The following TTC12 variants were observed in gnomAD, a reference collection of about 807,000 sequenced individuals.
TTC12 encodes tetratricopeptide repeat protein 12.
In TTC12, 70 loss-of-function variants were observed where a neutral mutation model predicts 90.1. That is an observed-to-expected ratio of 0.78 (90% CI 0.64 to 0.95). TTC12 has a LOEUF of 0.95. TTC12 is among the 40% of genes least tolerant of loss of function. TTC12 has a pLI of 0.00. For synonymous variants in TTC12, 296 were observed against 311.5 expected, an observed-to-expected ratio of 0.95 and a Z score of 0.53; for missense variants, 819 against 846.1, an observed-to-expected ratio of 0.97 and a Z score of 0.40.
At chr11:113,359,540 C>A in intron 17 of TTC12, 79 bp downstream of exon 17, 3 of 954,246 alleles carry the variant, frequency 3.1e-6, no homozygotes, top group East Asian at 2.4e-5. Flanking sequence ...TTCTCATGTT[C>A]ACGAAGAGAC....
intron 8 of TTC12, 82 bp downstream of exon 8, chr11:113,335,119 C>G (rs111319463): frequency 2.0e-6 from 2 of 1,011,256 alleles, no homozygotes; most frequent in Non-Finnish European, 3.1e-6. Context: ...CCATGATTCT[C>G]CAAGCTGATT....
At chr11:113,341,161 C>T (rs782136824) in intron 11 of TTC12, among the ~76,000 whole-genome samples, 1 of 152,012 alleles carries the variant, frequency 6.6e-6, no homozygotes, top group Admixed American at 6.5e-5. Context: ...ATCTGAGAGG[C>T]GGAGGTTGCA....
chr11:113,332,267 G>A (rs181353913), intron 7 of TTC12, among the ~76,000 whole-genome samples: 1 of 152,284 alleles, frequency 6.6e-6, no homozygotes, highest in East Asian at 1.9e-4. Flanking sequence ...TTCTCGTGAG[G>A]GTCGACACAT....
At chr11:113,314,652 G>C (rs1946803471) in intron 1 of TTC12, 34 bp downstream of exon 1, 1 of 152,974 alleles carries the variant, frequency 6.5e-6, no homozygotes, top group African/African-American at 2.4e-5. Context: ...AATCCCCCCT[G>C]GGAGCTGGTC....
intron 21 of TTC12, chr11:113,365,581 C>T (rs547040647): frequency 3.6e-4 from 66 of 183,884 alleles, no homozygotes; most frequent in African/African-American, 9.9e-4. Context: ...CCCCAGTGAG[C>T]GAGGGCAAGA....
chr11:113,327,144 T>C (rs1947743920), intron 6 of TTC12, among the ~76,000 whole-genome samples: 1 of 152,228 alleles, frequency 6.6e-6, no homozygotes. Context: ...CTGTCTATAC[T>C]CTGATTCATC....
At chr11:113,325,059 G>A (rs1318894342) in intron 5 of TTC12, among the ~76,000 whole-genome samples, 1 of 152,144 alleles carries the variant, frequency 6.6e-6, no homozygotes, top group African/African-American at 2.4e-5. Context: ...TGAGATAGGA[G>A]AGGAGACATC....
At chr11:113,341,555 T>C in intron 11 of TTC12, 2 of 456,148 alleles carry the variant, frequency 4.4e-6, no homozygotes, top group South Asian at 4.3e-5. Context: ...CACCAGTACA[T>C]GTCTGTGTGC....
At chr11:113,320,863 G>T (rs1565568975) in intron 2 of TTC12, among the ~76,000 whole-genome samples, 1 of 152,166 alleles carries the variant, frequency 6.6e-6, no homozygotes, top group Admixed American at 6.5e-5. Flanking sequence ...CTGCGAGGGG[G>T]ATCAGAGAAC....
chr11:113,336,939 G>T (rs1555144252), intron 8 of TTC12, among the ~76,000 whole-genome samples: 1 of 152,210 alleles, frequency 6.6e-6, no homozygotes, highest in Non-Finnish European at 1.5e-5. Context: ...AATTTGGCAA[G>T]TACTGCTATC....
intron 7 of TTC12, among the ~76,000 whole-genome samples, chr11:113,331,742 A>G (rs1374637653): frequency 6.6e-6 from 1 of 152,252 alleles, no homozygotes; most frequent in Non-Finnish European, 1.5e-5. Flanking sequence ...TTGAAGTACA[A>G]TGTAATTAAC....
Position 113,344,716 on chromosome 11 carries a change from A to G in TTC12, c.1154+276A>G, listed in dbSNP as rs1948855739. Among the ~76,000 whole-genome samples, 3 of 152,148 alleles carry G rather than the reference A, an allele frequency of 2.0e-5. No homozygotes were observed. The South Asian group carries it at 6.2e-4, about 32-fold the overall frequency. On this transcript the variant is annotated intron_variant, in intron 13 of 21. Coordinates refer to ENST00000529221, the MANE Select transcript of TTC12 (RefSeq NM_017868.4). ...CTTCCGTAGCCAGATCAGGAGCCCC[A>G]CCTTAAAATAGGTCACTTGCTTCTC...
intron 7 of TTC12, among the ~76,000 whole-genome samples, chr11:113,331,405 A>G (rs1222381637): frequency 6.6e-6 from 1 of 152,216 alleles, no homozygotes; most frequent in Non-Finnish European, 1.5e-5. Flanking sequence ...ACGAAATTCT[A>G]TTCTGTTCTG....
chr11:113,323,254 T>C lies in TTC12; in HGVS notation c.59-34T>C, dbSNP rs45457596. 0.017 allele frequency: 25,445 copies of C among 1,497,306 alleles called. 313 individuals carry two copies. Among genetic ancestry groups the C allele is most frequent in the South Asian group, 0.055 (3,810 of 69,878 alleles). 92.8% of individuals were successfully genotyped at this position (1,497,306 alleles called of 1,614,324 possible). ...AGTGAATAGAGTCTTTTGAATATCT[T>C]GTTTGATTAAGTCACACCTGATTTC... On this transcript the variant is annotated intron_variant, in intron 2 of 21. Transcript: ENST00000529221.
At chr11:113,338,934 C>T (rs1394526405) in intron 9 of TTC12, 100 bp downstream of exon 9, 2 of 1,044,988 alleles carry the variant, frequency 1.9e-6, no homozygotes, top group Admixed American at 1.8e-5. Context: ...GGCCACTAGG[C>T]AGCGGCGGAT....
chr11:113,368,354 C>T (rs1565637389), downstream of TTC12: 10 of 1,547,622 alleles, frequency 6.5e-6, no homozygotes, highest in South Asian at 9.6e-5. Flanking sequence ...CACATGCTAC[C>T]ATGCAGACCT....
At chr11:113,366,456 C>T, downstream of TTC12, 1 of 1,381,620 alleles carries the variant, frequency 7.2e-7, no homozygotes, top group Non-Finnish European at 9.7e-7. Context: ...AGAGAGTGGG[C>T]ATTAGGCTGG....
chr11:113,343,012 A>G (rs1206507393), intron 12 of TTC12, among the ~76,000 whole-genome samples: 6 of 152,198 alleles, frequency 3.9e-5, no homozygotes, highest in African/African-American at 1.4e-4. Context: ...TCTGAAAAAT[A>G]TTTTCAGATA....
chr11:113,359,593 G>A, intron 17 of TTC12, 132 bp downstream of exon 17: 1 of 683,798 alleles, frequency 1.5e-6, no homozygotes, highest in Non-Finnish European at 2.6e-6. Flanking sequence ...ATGGGAAAAG[G>A]CTGGAGGGAT....
Sources: allele counts gnomAD v4.1 joint callset (sites outside exome capture counted in the v4.1 genomes callset), GRCh38; gene constraint gnomAD v4.1.1; transcripts MANE v1.5; gene names NCBI Gene and HGNC (gene_info 2026-07-23, HGNC 2026-07-21).